The following TNRC6B variants were observed in gnomAD, a reference collection of about 807,000 sequenced individuals.
TNRC6B encodes trinucleotide repeat containing adaptor 6B, also known as trinucleotide repeat-containing gene 6B protein.
Under a neutral mutation model 203.6 loss-of-function variants are expected in TNRC6B, and 52 were observed. The ratio of observed to expected loss-of-function variants is 0.26; its 90% CI spans 0.20 to 0.32. TNRC6B has a LOEUF of 0.32. TNRC6B is among the 10% of genes least tolerant of loss of function. The pLI is 1.00. For missense variants in TNRC6B, 1,923 were observed against 2,286.2 expected (o/e 0.84, Z 3.24); for synonymous variants, 838 against 845.7 (o/e 0.99, Z 0.16).
chr22:40,211,719 G>T (rs190510301), intron 1 of TNRC6B, among the ~76,000 whole-genome samples: 76 of 152,232 alleles, frequency 5.0e-4, no homozygotes, highest in African/African-American at 1.8e-3. Flanking sequence ...ACAGCAGAAG[G>T]GTGTCTCCAG....
intron 1 of TNRC6B, among the ~76,000 whole-genome samples, chr22:40,105,591 C>T (rs1045493028): frequency 1.3e-5 from 2 of 152,148 alleles, no homozygotes. Flanking sequence ...CTTATGTTTG[C>T]GAGATTCATC....
chr22:40,317,937 G>A (rs2071281519), intron 21 of TNRC6B, among the ~76,000 whole-genome samples: 1 of 152,092 alleles, frequency 6.6e-6, no homozygotes, highest in South Asian at 2.1e-4. Context: ...ACTTTATTAA[G>A]CCAACATTTT....
chr22:40,270,310 A>G (rs755777608), intron 6 of TNRC6B, 30 bp downstream of exon 6: 4 of 1,195,960 alleles, frequency 3.3e-6, no homozygotes, highest in South Asian at 4.8e-5. Flanking sequence ...TTTTTGAGGG[A>G]TCCTTTTTTT....
At chr22:40,184,479 T>G (rs1402988338) in intron 1 of TNRC6B, among the ~76,000 whole-genome samples, 1 of 152,090 alleles carries the variant, frequency 6.6e-6, no homozygotes, top group Non-Finnish European at 1.5e-5. Context: ...AACTAAGCCT[T>G]GACCAGATGC....
At chr22:40,198,666 G>A (rs772597244) in intron 1 of TNRC6B, among the ~76,000 whole-genome samples, 1 of 152,128 alleles carries the variant, frequency 6.6e-6, no homozygotes, top group Non-Finnish European at 1.5e-5. Context: ...ATATTGGAAA[G>A]GAGACAGCTA....
intron 1 of TNRC6B, among the ~76,000 whole-genome samples, chr22:40,204,400 C>T (rs2069452223): frequency 1.3e-5 from 2 of 152,184 alleles, no homozygotes; most frequent in Non-Finnish European, 2.9e-5. Context: ...GTAGCCAGGG[C>T]CAGTCATTCC....
intron 3 of TNRC6B, among the ~76,000 whole-genome samples, chr22:40,140,043 C>T (rs1365243966): frequency 6.6e-6 from 1 of 152,190 alleles, no homozygotes; most frequent in Non-Finnish European, 1.5e-5. Context: ...ATGGTTCATA[C>T]ATTTCCATGT....
At chr22:40,205,932 G>A (rs888737783) in intron 1 of TNRC6B, among the ~76,000 whole-genome samples, 2 of 152,092 alleles carry the variant, frequency 1.3e-5, no homozygotes, top group Non-Finnish European at 2.9e-5. Flanking sequence ...CATGACGAAG[G>A]GGTGATCCAC....
intron 1 of TNRC6B, among the ~76,000 whole-genome samples, chr22:40,230,391 G>A (rs981002684): frequency 6.7e-6 from 1 of 149,194 alleles, no homozygotes; most frequent in Non-Finnish European, 1.5e-5. Flanking sequence ...CCAGGCTCAA[G>A]CAATTTCTCC....
At chr22:40,164,446 AT>A (rs906214523) in intron 4 of TNRC6B, among the ~76,000 whole-genome samples, 13 of 145,252 alleles carry the variant, frequency 8.9e-5, no homozygotes, top group Admixed American at 1.4e-4. Flanking sequence ...GTTCCACTTT[AT>A]TTTTTTTTAA....
At position 40,262,123 on chromosome 22, in the gene TNRC6B, A is replaced by C. The variant is rs1383789423; in HGVS notation, c.407A>C (p.Asn136Thr). The stretch of plus-strand genomic sequence containing the variant: ...ACAGCACCTGGAGCAAACCCAAACA[A>C]CGCACAAGTGACAGGAGCGCTGCTG... ...PCTAPGANPN[N>T]AQVTGALLQS... is the part of the protein sequence containing the mutation. The change falls in exon 4 of 23, where the codon AAC becomes ACC. Residue 136 changes from asparagine to threonine, a missense_variant. By Grantham distance (65) the Asn-to-Thr change is moderately conservative. This residue lies in a region of TNRC6B where 614 missense variants were observed against 587.7 expected (regional missense o/e 1.04). Transcript: ENST00000454349. The C allele has an allele frequency of 6.7e-7, 1 of 1,499,312 alleles. No homozygotes were observed. Among genetic ancestry groups the C allele is most frequent in the Admixed American group, 1.8e-5 (1 of 54,712 alleles). The allele number at this position is 1,499,312 out of a possible 1,614,324, so 92.9% of individuals were successfully genotyped here. A position where few individuals can be genotyped will look rare whatever the true frequency, so the allele number is the denominator to read the frequency against.
At chr22:40,282,388 T>C (rs185363154) in intron 11 of TNRC6B, among the ~76,000 whole-genome samples, 1 of 152,394 alleles carries the variant, frequency 6.6e-6, no homozygotes, top group African/African-American at 2.4e-5. Flanking sequence ...TTTTTTATTT[T>C]CTTCCTTTAT....
chr22:40,257,741 G>T (rs534335657), intron 3 of TNRC6B, among the ~76,000 whole-genome samples: 2 of 151,492 alleles, frequency 1.3e-5, no homozygotes, highest in East Asian at 3.9e-4. Flanking sequence ...ATGAATGGAC[G>T]GCCAGGTGCG....
At chr22:40,209,565 T>G (rs1284492774) in intron 1 of TNRC6B, among the ~76,000 whole-genome samples, 1 of 152,222 alleles carries the variant, frequency 6.6e-6, no homozygotes, top group Non-Finnish European at 1.5e-5. Context: ...GGTGGCATTC[T>G]TACGCTAACC....
At chr22:40,143,741 C>G (rs192692734) in intron 3 of TNRC6B, among the ~76,000 whole-genome samples, 1 of 152,316 alleles carries the variant, frequency 6.6e-6, no homozygotes, top group African/African-American at 2.4e-5. Context: ...CGTGATCCGC[C>G]CGCCTTGGCC....
chr22:40,177,329 T>G (rs1440618059), upstream of TNRC6B, among the ~76,000 whole-genome samples: 1 of 152,132 alleles, frequency 6.6e-6, no homozygotes, highest in African/African-American at 2.4e-5. Flanking sequence ...GGCAAAACAA[T>G]AAGTGTAGAG....
chr22:40,046,964 G>A (rs1038418566), intron 1 of TNRC6B, among the ~76,000 whole-genome samples: 1 of 152,020 alleles, frequency 6.6e-6, no homozygotes, highest in African/African-American at 2.4e-5. Flanking sequence ...TTTTCAAGTC[G>A]GAGCAATACC....
intron 1 of TNRC6B, chr22:40,106,899 G>T (rs2068288624): frequency 1.0e-6 from 1 of 972,494 alleles, no homozygotes; most frequent in Admixed American, 1.7e-5. Context: ...TTGTGACAGT[G>T]CTTCGCTTTT....
intron 22 of TNRC6B, chr22:40,321,476 G>A: frequency 2.2e-6 from 1 of 455,764 alleles, no homozygotes; most frequent in Non-Finnish European, 4.0e-6. Context: ...TTGTGAAGTA[G>A]TGAGTAAATT....
Sources: gnomAD v4.1 joint callset for allele counts (sites outside exome capture counted in the v4.1 genomes callset) on GRCh38, gnomAD v4.1.1 for gene constraint, gnomAD v4.1.1 regional missense constraint, MANE v1.5 for transcripts, NCBI Gene and HGNC (gene_info 2026-07-23, HGNC 2026-07-21) for gene names.